ABCD3: variants seen among roughly 807,000 people sequenced by gnomAD.
The protein encoded by ABCD3 is ATP binding cassette subfamily D member 3.
ABCD3 carries 41 observed loss-of-function variants against 105.5 expected under a neutral mutation model. That is an observed-to-expected ratio of 0.39 (90% CI 0.30 to 0.50). The LOEUF (loss-of-function observed/expected upper bound fraction) is 0.50. Ranked by LOEUF, ABCD3 falls within the 20% of genes least tolerant of loss-of-function variation. The pLI is 0.84. For synonymous variants in ABCD3, 258 were observed against 269.0 expected (o/e 0.96, Z 0.40); for missense variants, 622 against 806.3 (o/e 0.77, Z 2.77).
At chr1:94,432,346 A>G (rs894872421) in intron 1 of ABCD3, among the ~76,000 whole-genome samples, 3 of 152,210 alleles carry the variant, frequency 2.0e-5, no homozygotes, top group African/African-American at 4.8e-5. Flanking sequence ...CTTAAGAAAT[A>G]TATAGTGTTT....
At chr1:94,389,549 A>G in the ABCD3 span, among the ~76,000 whole-genome samples, 2 of 152,236 alleles carry the variant, frequency 1.3e-5, no homozygotes, top group African/African-American at 4.8e-5. Context: ...CCCATAAGGA[A>G]TACTTCTAGT....
At chr1:94,430,489 C>A (rs1659629582) in intron 1 of ABCD3, among the ~76,000 whole-genome samples, 1 of 152,096 alleles carries the variant, frequency 6.6e-6, no homozygotes, top group Non-Finnish European at 1.5e-5. Context: ...GCAGGTCTTT[C>A]CTGTGCTGTT....
At chr1:94,393,469 T>C in the ABCD3 span, among the ~76,000 whole-genome samples, 8 of 151,830 alleles carry the variant, frequency 5.3e-5, no homozygotes, top group East Asian at 1.6e-3. Context: ...TAAAACCCCG[T>C]CTCGACTAAA....
intron 1 of ABCD3, among the ~76,000 whole-genome samples, chr1:94,423,529 T>C (rs913836618): frequency 6.6e-6 from 1 of 152,220 alleles, no homozygotes; most frequent in Non-Finnish European, 1.5e-5. Context: ...TTACATCTTG[T>C]CTCTTGAGCC....
the ABCD3 span, among the ~76,000 whole-genome samples, chr1:94,408,402 G>T: frequency 6.6e-6 from 1 of 150,708 alleles, no homozygotes; most frequent in Admixed American, 6.7e-5. Context: ...GGCCAACATG[G>T]TGAAACCCCA....
At chr1:94,472,135 A>G (rs999811537) in intron 4 of ABCD3, 8 of 662,064 alleles carry the variant, frequency 1.2e-5, no homozygotes, top group African/African-American at 3.9e-5. Context: ...GATTAGGGCT[A>G]TTGTAAAATT....
chr1:94,466,627 T>C (rs115664864), intron 3 of ABCD3, among the ~76,000 whole-genome samples: 3,826 of 152,314 alleles, frequency 0.025, 62 homozygotes, highest in Non-Finnish European at 0.037. Flanking sequence ...AAAAATTGCT[T>C]AATGCTTATC....
intron 21 of ABCD3, among the ~76,000 whole-genome samples, chr1:94,511,743 C>T (rs1650683416): frequency 6.6e-6 from 1 of 152,014 alleles, no homozygotes; most frequent in African/African-American, 2.4e-5. Context: ...TCATTCACTT[C>T]ATCTTCCATC....
chr1:94,502,876 G>T (rs1165128738), intron 20 of ABCD3, among the ~76,000 whole-genome samples: 1 of 152,136 alleles, frequency 6.6e-6, no homozygotes. Context: ...AAAGCTGGTG[G>T]TGGGGGCTTT....
chr1:94,409,223 T>C, the ABCD3 span, among the ~76,000 whole-genome samples: 4 of 152,160 alleles, frequency 2.6e-5, no homozygotes, highest in African/African-American at 4.8e-5. Flanking sequence ...AAGAGTACAA[T>C]TGGATTGTTT....
intron 7 of ABCD3, among the ~76,000 whole-genome samples, chr1:94,476,419 C>T (rs1648744446): frequency 6.6e-6 from 1 of 152,052 alleles, no homozygotes; most frequent in Admixed American, 6.6e-5. Flanking sequence ...TAGTAGGCAC[C>T]TATAAAATAG....
chr1:94,411,731 T>C, the ABCD3 span, among the ~76,000 whole-genome samples: 1 of 152,116 alleles, frequency 6.6e-6, no homozygotes, highest in South Asian at 2.1e-4. Flanking sequence ...AACCAAAAGG[T>C]AGAAACAACC....
chr1:94,499,100 G>A, intron 19 of ABCD3, 66 bp downstream of exon 19: 1 of 1,398,094 alleles, frequency 7.2e-7, no homozygotes, highest in South Asian at 1.2e-5. Flanking sequence ...AATCAATTAA[G>A]TATTTTAAAT....
At chr1:94,415,392 A>C (rs979982824), upstream of ABCD3, among the ~76,000 whole-genome samples, 1 of 152,070 alleles carries the variant, frequency 6.6e-6, no homozygotes, top group Non-Finnish European at 1.5e-5. Context: ...GCTCTTGGAG[A>C]TCTCCCCCAT....
the ABCD3 span, among the ~76,000 whole-genome samples, chr1:94,391,241 G>A: frequency 8.5e-5 from 13 of 152,256 alleles, no homozygotes; most frequent in South Asian, 2.7e-3. Flanking sequence ...AGCTCTTGAT[G>A]TATTCTTTTT....
intron 7 of ABCD3, among the ~76,000 whole-genome samples, chr1:94,476,370 C>T (rs1648740697): frequency 1.3e-5 from 2 of 152,098 alleles, no homozygotes; most frequent in Admixed American, 1.3e-4. Flanking sequence ...TTATTAAACC[C>T]TCTTCTTTGC....
intron 1 of ABCD3, among the ~76,000 whole-genome samples, chr1:94,446,738 T>G (rs1447551897): frequency 6.6e-6 from 1 of 152,200 alleles, no homozygotes; most frequent in Non-Finnish European, 1.5e-5. Flanking sequence ...GCACTGGCTG[T>G]CTGCGTGGCC....
At chr1:94,390,158 G>A in the ABCD3 span, among the ~76,000 whole-genome samples, 1 of 152,104 alleles carries the variant, frequency 6.6e-6, no homozygotes, top group Non-Finnish European at 1.5e-5. Context: ...TATCTGATGT[G>A]GCAGACCTGA....
intron 1 of ABCD3, among the ~76,000 whole-genome samples, chr1:94,445,759 G>C (rs1660321524): frequency 6.6e-6 from 1 of 152,258 alleles, no homozygotes; most frequent in South Asian, 2.1e-4. Context: ...TTTATAGCTC[G>C]GTTACAGGAG....
Sources: allele counts gnomAD v4.1 joint callset (sites outside exome capture counted in the v4.1 genomes callset), GRCh38; gene constraint gnomAD v4.1.1; transcripts MANE v1.5; gene names NCBI Gene and HGNC (gene_info 2026-07-23, HGNC 2026-07-21).